Variants in ADCY8 observed in about 807,000 individuals in gnomAD.
ADCY8 encodes adenylate cyclase 8.
In ADCY8, 51 loss-of-function variants were observed where a neutral mutation model predicts 119.7. That is an observed-to-expected ratio of 0.43 (90% CI 0.34 to 0.54). ADCY8 has a LOEUF of 0.54. ADCY8 is among the 20% of genes least tolerant of loss of function. ADCY8 has a pLI of 0.03. For missense variants in ADCY8, 1,383 were observed against 1,598.8 expected (o/e 0.87, Z 2.30); for synonymous variants, 665 against 651.0 (o/e 1.02, Z -0.33).
chr8:130,829,603 T>A (rs1219587630), intron 12 of ADCY8, among the ~76,000 whole-genome samples: 2 of 151,598 alleles, frequency 1.3e-5, no homozygotes, highest in Non-Finnish European at 2.9e-5. Flanking sequence ...ATGGAAGTCA[T>A]GAAAGGATTA....
At chr8:131,003,446 G>A (rs186772452) in intron 1 of ADCY8, among the ~76,000 whole-genome samples, 20 of 152,106 alleles carry the variant, frequency 1.3e-4, no homozygotes, top group African/African-American at 4.8e-4. Context: ...CAGAGAAGTG[G>A]ACAAAACAAG....
Position 130,909,779 on chromosome 8 carries a change from C to T in ADCY8, c.1569G>A (p.Arg523=). 1 of 1,614,144 alleles carries T rather than the reference C, an allele frequency of 6.2e-7. No individual in the cohort carries two copies. Among genetic ancestry groups the T allele is most frequent in the Non-Finnish European group, 8.5e-7 (1 of 1,180,018 alleles). Residue 523 remains arginine (R), a synonymous_variant, in exon 6 of 18, where the codon AGG becomes AGA. Coordinates refer to ENST00000286355, the MANE Select transcript of ADCY8 (RefSeq NM_001115.3). The part of the protein sequence containing the change: ...GSVLCGVLGL[R]KWQFDVWSWD... Reference sequence around the variant, plus strand: ...AAGACCAGACATCAAACTGCCACTTCCTTAGTCCCAAAACACCGCACAGCA... The same window carrying T: ...AAGACCAGACATCAAACTGCCACTTTCTTAGTCCCAAAACACCGCACAGCA...
At chr8:130,943,317 G>A (rs1185407618) in intron 4 of ADCY8, 34 bp downstream of exon 4, 1 of 1,486,798 alleles carries the variant, frequency 6.7e-7, no homozygotes, top group Non-Finnish European at 9.4e-7. Flanking sequence ...CCTCACTCCT[G>A]CAAAAGACGA....
intron 2 of ADCY8, among the ~76,000 whole-genome samples, chr8:130,972,427 G>A (rs1821950491): frequency 6.6e-6 from 1 of 152,114 alleles, no homozygotes; most frequent in African/African-American, 2.4e-5. Flanking sequence ...TACAGACAAT[G>A]AAACAGATCA....
At position 130,783,781 on chromosome 8, in the gene ADCY8, A is replaced by G. The variant is rs750248427; in HGVS notation, c.3178T>C (p.Leu1060=). ...AGTGAGAAGTCAGCCAGAGCACACA[A>G]ATGTCCCCACTTGTCTTCACATTGC... ...KQQCEDKWGH[L]CALADFSLAL... is the part of the protein sequence containing the mutation. Residue 1060 remains leucine, a synonymous_variant, in exon 17 of 18, where the codon TTG becomes CTG. Transcript: ENST00000286355. The G allele has an allele frequency of 1.9e-6, 3 of 1,613,596 alleles. No individual in the cohort carries two copies. The highest frequency in any genetic ancestry group is 1.1e-5 in the South Asian group (1 of 90,990).
chr8:130,933,600 G>T (rs1375280851), intron 5 of ADCY8, among the ~76,000 whole-genome samples: 2 of 152,140 alleles, frequency 1.3e-5, no homozygotes, highest in Non-Finnish European at 2.9e-5. Context: ...TTAGAATCAA[G>T]GAGTTGTTTG....
chr8:130,972,903 T>A (rs1821966632), intron 2 of ADCY8, among the ~76,000 whole-genome samples: 1 of 151,996 alleles, frequency 6.6e-6, no homozygotes, highest in Non-Finnish European at 1.5e-5. Flanking sequence ...TTTTAATCTG[T>A]AAAATGGGAA....
chr8:130,880,378 A>G lies in ADCY8; in HGVS notation c.2109+4186T>C, dbSNP rs546304748. Reference sequence around the variant, plus strand: ...TATCAACTTTTACTGGTGAAAATGCATTCTTCTTTTAATAAGAAAATATCC... The same window carrying G: ...TATCAACTTTTACTGGTGAAAATGCGTTCTTCTTTTAATAAGAAAATATCC... On this transcript the variant is annotated intron_variant, in intron 8 of 17. Coordinates refer to ENST00000286355, the MANE Select transcript of ADCY8 (RefSeq NM_001115.3). 2.0e-5 allele frequency among the ~76,000 whole-genome samples: 3 copies of G among 152,286 alleles called. No homozygotes were observed. In the East Asian group the frequency reaches 5.8e-4, roughly 29 times the overall value.
intron 11 of ADCY8, among the ~76,000 whole-genome samples, chr8:130,837,290 C>G (rs565371409): frequency 4.8e-4 from 73 of 152,306 alleles, no homozygotes; most frequent in Non-Finnish European, 8.2e-4. Context: ...GTAAAGCTCA[C>G]AAGGCCATCA....
At chr8:130,942,466 G>C (rs1006881897) in intron 4 of ADCY8, among the ~76,000 whole-genome samples, 30 of 152,192 alleles carry the variant, frequency 2.0e-4, no homozygotes, top group African/African-American at 7.2e-4. Context: ...TTCCAGGAAG[G>C]GAGGAGGTGT....
intron 7 of ADCY8, among the ~76,000 whole-genome samples, chr8:130,896,041 T>C (rs779595083): frequency 2.0e-5 from 3 of 152,106 alleles, no homozygotes; most frequent in Non-Finnish European, 4.4e-5. Flanking sequence ...ACTTGCTTTT[T>C]CTCCCATTCT....
Position 130,836,452 on chromosome 8 carries a change from G to A in ADCY8, c.2503-3C>T, listed in dbSNP as rs778068106. ...AACACCCCCGTGAAGACAAAGTACT[G>A]GAAACAGAGAATGCAGGTGGTCAGA... On this transcript the variant is annotated splice_polypyrimidine_tract_variant and splice_region_variant and intron_variant, in intron 11 of 17. Coordinates refer to ENST00000286355, the MANE Select transcript of ADCY8 (RefSeq NM_001115.3). 3 of 1,612,482 alleles carry A rather than the reference G, an allele frequency of 1.9e-6. No homozygotes were observed. In the African/African-American group the frequency reaches 4.0e-5, roughly 22 times the overall value.
At chr8:130,833,694 T>C (rs1164520036) in intron 12 of ADCY8, among the ~76,000 whole-genome samples, 1 of 152,198 alleles carries the variant, frequency 6.6e-6, no homozygotes, top group African/African-American at 2.4e-5. Flanking sequence ...ATTTTGGTTA[T>C]TGGCCAACTG....
intron 2 of ADCY8, among the ~76,000 whole-genome samples, chr8:130,974,662 T>C (rs892468041): frequency 2.6e-5 from 4 of 152,180 alleles, no homozygotes; most frequent in Non-Finnish European, 5.9e-5. Flanking sequence ...AAAAAGGCCA[T>C]GAGTATTCCT....
At chr8:130,925,614 A>G (rs1156640662) in intron 5 of ADCY8, among the ~76,000 whole-genome samples, 2 of 152,128 alleles carry the variant, frequency 1.3e-5, no homozygotes, top group East Asian at 1.9e-4. Context: ...TTACAGTACA[A>G]TAGGCACTCT....
intron 14 of ADCY8, among the ~76,000 whole-genome samples, 167 bp downstream of exon 14, chr8:130,813,902 C>T (rs7009510): frequency 0.02 from 3,090 of 152,098 alleles, 105 homozygotes; most frequent in African/African-American, 0.071. Flanking sequence ...AGATGAGGTG[C>T]CTGAGGTTGG....
chr8:130,876,845 C>T (rs952458313), intron 8 of ADCY8, among the ~76,000 whole-genome samples: 1 of 152,210 alleles, frequency 6.6e-6, no homozygotes, highest in African/African-American at 2.4e-5. Flanking sequence ...CTGCATCCTT[C>T]TTGAATTTCA....
intron 1 of ADCY8, among the ~76,000 whole-genome samples, chr8:131,014,207 TC>T (rs771916604): frequency 5.3e-5 from 8 of 152,166 alleles, no homozygotes; most frequent in Non-Finnish European, 1.2e-4. Context: ...CATAAGCAAA[TC>T]TATTAACAAG....
At chr8:130,921,944 A>G (rs1820321964) in intron 5 of ADCY8, among the ~76,000 whole-genome samples, 1 of 152,168 alleles carries the variant, frequency 6.6e-6, no homozygotes, top group South Asian at 2.1e-4. Context: ...ATCTGCCCTT[A>G]TGAATGAATG....
Sources: gnomAD v4.1 joint callset for allele counts (sites outside exome capture counted in the v4.1 genomes callset) on GRCh38, gnomAD v4.1.1 for gene constraint, MANE v1.5 for transcripts, NCBI Gene and HGNC (gene_info 2026-07-23, HGNC 2026-07-21) for gene names.